Variants in IL21R observed in about 807,000 individuals in gnomAD.
IL21R encodes interleukin-21 receptor.
IL21R carries 14 observed loss-of-function variants against 41.3 expected under a neutral mutation model. The ratio of observed to expected loss-of-function variants is 0.34; its 90% CI spans 0.22 to 0.53. The LOEUF is 0.53. Ranked by LOEUF, IL21R falls within the 20% of genes least tolerant of loss-of-function variation. The probability of loss-of-function intolerance (pLI) is 0.94; values close to 1 mark genes in which losing one functional copy is unlikely to be tolerated. For missense variants in IL21R, 588 were observed against 681.6 expected, an observed-to-expected ratio of 0.86 and a Z score of 1.53; for synonymous variants, 286 against 287.6, an observed-to-expected ratio of 0.99 and a Z score of 0.05.
chr16:27,445,963 C>T, intron 7 of IL21R, 44 bp from the exon 8 acceptor site: 3 of 1,491,468 alleles, frequency 2.0e-6, no homozygotes, highest in Non-Finnish European at 2.8e-6. Context: ...GGCCAGGCTG[C>T]CCTCTGGTGA....
At chr16:27,437,915 T>C (rs2087303287) in intron 4 of IL21R, among the ~76,000 whole-genome samples, 1 of 152,188 alleles carries the variant, frequency 6.6e-6, no homozygotes, top group African/African-American at 2.4e-5. Context: ...CCACTTGCCT[T>C]GGCCTCCCAA....
chr16:27,443,124 A>G lies in IL21R; in HGVS notation c.507+8A>G. 1 of 1,593,512 alleles carries G rather than the reference A, an allele frequency of 6.3e-7. No individual in the cohort carries two copies. Among genetic ancestry groups the G allele is most frequent in the Non-Finnish European group, 8.6e-7 (1 of 1,168,162 alleles). ...GGAGACCCCTGGGCTGTGGTGAGGA[A>G]TGTGGGGATCAGTGCAGCTTTGTGG... On this transcript the variant is annotated splice_region_variant and intron_variant, in intron 5 of 8. Coordinates refer to ENST00000337929, the MANE Select transcript of IL21R (RefSeq NM_181078.3).
chr16:27,431,961 AACGC>A (rs2087180349), intron 2 of IL21R, among the ~76,000 whole-genome samples: 1 of 151,994 alleles, frequency 6.6e-6, no homozygotes. Flanking sequence ...TGCCACATTG[AACGC>A]TGCACCACCC....
At chr16:27,412,025 G>A (rs1043657669) in intron 1 of IL21R, among the ~76,000 whole-genome samples, 2 of 152,090 alleles carry the variant, frequency 1.3e-5, no homozygotes, top group African/African-American at 2.4e-5. Flanking sequence ...CCAATTTCAC[G>A]AAGATTTTCC....
At chr16:27,403,527 G>A (rs935460854) in intron 1 of IL21R, among the ~76,000 whole-genome samples, 1 of 152,162 alleles carries the variant, frequency 6.6e-6, no homozygotes, top group Non-Finnish European at 1.5e-5. Flanking sequence ...CCGGCCACGC[G>A]CCTTCCTCAC....
intron 3 of IL21R, among the ~76,000 whole-genome samples, chr16:27,434,675 GGAT>G (rs889075556): frequency 6.6e-6 from 1 of 152,112 alleles, no homozygotes; most frequent in Non-Finnish European, 1.5e-5. Context: ...TGAGACCCCG[GGAT>G]GGCTGGTTTC....
At chr16:27,438,513 C>G (rs2087313970) in intron 4 of IL21R, among the ~76,000 whole-genome samples, 1 of 152,080 alleles carries the variant, frequency 6.6e-6, no homozygotes, top group Non-Finnish European at 1.5e-5. Context: ...TTGCTTGAAC[C>G]TGGGGCTTTA....
intron 2 of IL21R, among the ~76,000 whole-genome samples, chr16:27,431,502 G>A (rs968690558): frequency 1.3e-5 from 2 of 152,128 alleles, no homozygotes; most frequent in Admixed American, 6.6e-5. Flanking sequence ...TTGCTCTTGG[G>A]GTCTGTCTTA....
Position 27,407,749 on chromosome 16 carries a change from C to T in IL21R, c.-17+5131C>T, listed in dbSNP as rs557167732. On this transcript the variant is annotated intron_variant, in intron 1 of 8. Transcript: ENST00000337929. ...CTGAGGCAGGAGACTCACTTGAACC[C>T]GGGAGGCGGAGGTTGCAGTGAGCCA... is the stretch of plus-strand genomic sequence containing the variant. Among the ~76,000 whole-genome samples, 168 of 152,262 alleles carry T rather than the reference C, an allele frequency of 1.1e-3. 4 individuals are homozygous for T. In the South Asian group the frequency reaches 0.033, roughly 30 times the overall value.
intron 4 of IL21R, among the ~76,000 whole-genome samples, chr16:27,438,266 G>A (rs971612711): frequency 6.6e-6 from 1 of 151,906 alleles, no homozygotes; most frequent in Non-Finnish European, 1.5e-5. Flanking sequence ...CCCATAATGA[G>A]GCGAATGGAC....
At chr16:27,413,198 T>C (rs2086845940) in intron 1 of IL21R, among the ~76,000 whole-genome samples, 1 of 152,198 alleles carries the variant, frequency 6.6e-6, no homozygotes, top group Non-Finnish European at 1.5e-5. Flanking sequence ...TTTCAAATAC[T>C]TTTTCTGCAT....
intron 1 of IL21R, among the ~76,000 whole-genome samples, chr16:27,413,738 G>T (rs796668137): frequency 6.6e-6 from 1 of 151,916 alleles, no homozygotes; most frequent in Non-Finnish European, 1.5e-5. Context: ...GCATATAATT[G>T]TTCATAGTAG....
At chr16:27,423,641 CCT>C (rs1452054039) in intron 1 of IL21R, among the ~76,000 whole-genome samples, 1 of 152,166 alleles carries the variant, frequency 6.6e-6, no homozygotes, top group East Asian at 1.9e-4. Context: ...TCTCTAACTT[CCT>C]TTTTTCACTC....
intron 1 of IL21R, among the ~76,000 whole-genome samples, chr16:27,422,201 A>G (rs1046420886): frequency 6.6e-6 from 1 of 151,994 alleles, no homozygotes; most frequent in Non-Finnish European, 1.5e-5. Flanking sequence ...TTTTTTCTGC[A>G]TACTGCATAT....
chr16:27,412,944 A>G (rs2086843546), intron 1 of IL21R, among the ~76,000 whole-genome samples: 1 of 152,084 alleles, frequency 6.6e-6, no homozygotes, highest in African/African-American at 2.4e-5. Context: ...CTTCCTTTCC[A>G]ATTTAGATAC....
At chr16:27,406,501 C>T (rs547629182) in intron 1 of IL21R, among the ~76,000 whole-genome samples, 2 of 152,100 alleles carry the variant, frequency 1.3e-5, no homozygotes, top group African/African-American at 4.8e-5. Context: ...ATTGCTGGAG[C>T]TAATAGAGAT....
intron 1 of IL21R, among the ~76,000 whole-genome samples, chr16:27,411,185 C>T (rs1033103233): frequency 3.3e-5 from 5 of 151,994 alleles, no homozygotes; most frequent in African/African-American, 1.2e-4. Flanking sequence ...TCTGGTATTT[C>T]TATTTTTTTA....
In IL21R at chr16:27,414,186, G is replaced by GTGTGTGTGTGTGTA. The variant is rs1016862427; in HGVS notation, c.-17+11572_-17+11573insTGTGTGTGTATGTG. 5.4e-3 allele frequency among the ~76,000 whole-genome samples: 822 copies of GTGTGTGTGTGTGTA among 151,830 alleles called. 10 individuals carry two copies. Among genetic ancestry groups the GTGTGTGTGTGTGTA allele is most frequent in the African/African-American group, 0.019 (797 of 41,392 alleles). On this transcript the variant is annotated intron_variant, in intron 1 of 8. Transcript: ENST00000337929. ...GTATAGTGTGTGTGTGTGTGTGTGT[G>GTGTGTGTGTGTGTA]TGTGATCGTAATTAGATTAAAGAAG...
intron 4 of IL21R, among the ~76,000 whole-genome samples, chr16:27,439,468 TCA>T (rs769663066): frequency 1.3e-5 from 2 of 151,074 alleles, no homozygotes; most frequent in Non-Finnish European, 3.0e-5. Context: ...ACATGCATTC[TCA>T]CACACGTGTA....
Sources: allele counts gnomAD v4.1 joint callset (sites outside exome capture counted in the v4.1 genomes callset), GRCh38; gene constraint gnomAD v4.1.1; transcripts MANE v1.5; gene names NCBI Gene and HGNC (gene_info 2026-07-23, HGNC 2026-07-21).